Variants in C2CD3 observed in about 807,000 individuals in gnomAD.
C2CD3 encodes the protein C2 domain containing 3 centriole elongation regulator, also known as C2 domain-containing protein 3.
A neutral mutation model predicts 234.0 loss-of-function variants in C2CD3; 148 were observed. The observed-to-expected ratio is 0.63, with a 90% CI of 0.55 to 0.72. C2CD3 has a LOEUF of 0.72. C2CD3 is among the 30% of genes least tolerant of loss of function. The pLI is 0.00. For missense variants in C2CD3, 2,577 were observed against 2,811.5 expected, an observed-to-expected ratio of 0.92 and a Z score of 1.89; for synonymous variants, 1,000 against 1,035.4, an observed-to-expected ratio of 0.97 and a Z score of 0.66.
chr11:74,122,952 T>C, intron 8 of C2CD3, 36 bp downstream of exon 8: 2 of 1,562,038 alleles, frequency 1.3e-6, no homozygotes, highest in East Asian at 2.2e-5. Flanking sequence ...ATACATTTGT[T>C]CTCTAATTCT....
In C2CD3 at chr11:74,033,394, C is replaced by T; in HGVS notation, c.6766G>A (p.Val2256Met). 2.6e-6 allele frequency: 4 copies of T among 1,536,178 alleles called. No individual in the cohort carries two copies. The highest frequency in any genetic ancestry group is 3.5e-6 in the Non-Finnish European group (4 of 1,146,920). ...GTGGACGTCTCTGATCCAGTTGTCA[C>T]CTGCCTCTGCCTGATGTCAGAGGAG... ...IDSSDIRQRQ[V>M]TTGSETSTKQ... The change falls in exon 31 of 33, where the codon GTG (valine) becomes ATG (methionine). Residue 2256 changes from valine (V) to methionine (M), a missense_variant. Coordinates refer to ENST00000334126, the MANE Select transcript of C2CD3 (RefSeq NM_001286577.2).
chr11:74,131,588 CTT>C (rs201739327), intron 7 of C2CD3, among the ~76,000 whole-genome samples: 3 of 145,976 alleles, frequency 2.1e-5, no homozygotes, highest in South Asian at 2.2e-4. Context: ...GTTTTTCTTT[CTT>C]TTTTTTTTTG....
At position 74,154,800 on chromosome 11, in the gene C2CD3, T is replaced by C. The variant is rs376623042; in HGVS notation, c.483+6599A>G. On this transcript the variant is annotated intron_variant, in intron 3 of 32. Transcript: ENST00000334126. ...TTGGGGGTTGCAGTCTGTGAACTCC[T>C]GAAGAAGATAAAAGAATAGCCAAAA... is the stretch of plus-strand genomic sequence containing the variant. Among the ~76,000 whole-genome samples, 13 of 151,998 alleles carry C rather than the reference T, an allele frequency of 8.6e-5. No homozygotes were observed. The East Asian group carries it at 2.3e-3, about 27-fold the overall frequency.
chr11:74,013,008 G>A lies in C2CD3; in HGVS notation c.*377C>T, dbSNP rs1454702786. On this transcript the variant is annotated 3_prime_UTR_variant, in exon 33 of 33. Coordinates refer to ENST00000334126, the MANE Select transcript of C2CD3 (RefSeq NM_001286577.2). ...CATGTCCCTCCTCCCCAACTTTTAA[G>A]GCAAAAATGGTCCTGCATCTTCAGG... 6.4e-6 allele frequency: 1 copy of A among 156,828 alleles called. No individual in the cohort carries two copies. Among genetic ancestry groups the A allele is most frequent in the Non-Finnish European group, 1.4e-5 (1 of 71,316 alleles). The allele number at this position is 156,828 out of a possible 1,614,324, so 9.7% of individuals were successfully genotyped here.
chr11:74,099,151 A>C (rs901902955), intron 15 of C2CD3, among the ~76,000 whole-genome samples: 2 of 152,180 alleles, frequency 1.3e-5, no homozygotes, highest in Admixed American at 1.3e-4. Context: ...TTAAGAAAAA[A>C]AGGAAAACTA....
Position 74,168,687 on chromosome 11 carries a change from GA to G in C2CD3, c.56-75del. On this transcript the variant is annotated intron_variant, in intron 1 of 32. Transcript: ENST00000334126. ...AAAACATATAATATGCTTTTTGAAT[GA>G]AAACAAACAGAACACTTTAGTCTTA... is the stretch of plus-strand genomic sequence containing the variant. 4 of 1,350,246 alleles carry G rather than the reference GA, an allele frequency of 3.0e-6. No individual in the cohort carries two copies. In the South Asian group the frequency reaches 5.4e-5, roughly 18 times the overall value. 83.6% of individuals were successfully genotyped at this position (1,350,246 alleles called of 1,614,324 possible). A position where few individuals can be genotyped will look rare whatever the true frequency, so the allele number is the denominator to read the frequency against.
At chr11:74,163,761 A>T (rs1037154661) in intron 2 of C2CD3, among the ~76,000 whole-genome samples, 1 of 152,240 alleles carries the variant, frequency 6.6e-6, no homozygotes, top group East Asian at 1.9e-4. Context: ...GCAGCATGAG[A>T]ATGGACTAAT....
rs527594045 is a variant in C2CD3, at chr11:74,119,635, C to CT, written c.1366-1254dup. 6.5e-3 allele frequency among the ~76,000 whole-genome samples: 901 copies of CT among 137,612 alleles called. 4 individuals carry two copies. Among genetic ancestry groups the CT allele is most frequent in the African/African-American group, 0.014 (531 of 37,504 alleles). 90.3% of individuals were successfully genotyped at this position (137,612 alleles called of 152,430 possible). A position where few individuals can be genotyped will look rare whatever the true frequency, so the allele number is the denominator to read the frequency against. On this transcript the variant is annotated intron_variant, in intron 8 of 32. Coordinates refer to ENST00000334126, the MANE Select transcript of C2CD3 (RefSeq NM_001286577.2). ...GAATGTCTTCTTGGAAGCAATACAA[C>CT]TTTTTTTTTTTTTTTTTTGAGATGG...
At chr11:74,106,673 C>T (rs1360622208) in intron 12 of C2CD3, among the ~76,000 whole-genome samples, 180 bp from the exon 13 acceptor site, 2 of 152,188 alleles carry the variant, frequency 1.3e-5, no homozygotes, top group Admixed American at 1.3e-4. Flanking sequence ...CTGGCTTTTG[C>T]TACTTCCCTC....
At chr11:74,034,480 G>C (rs1952643385) in intron 30 of C2CD3, 4 of 1,573,994 alleles carry the variant, frequency 2.5e-6, no homozygotes, top group Non-Finnish European at 3.5e-6. Context: ...CAGAGGACCA[G>C]AATCTAATCT....
intron 19 of C2CD3, among the ~76,000 whole-genome samples, chr11:74,091,786 T>C (rs961578190): frequency 2.0e-5 from 3 of 152,166 alleles, no homozygotes; most frequent in Admixed American, 1.3e-4. Flanking sequence ...TGAGGGCTTA[T>C]AAAATGCTTG....
At chr11:74,027,279 G>A (rs767376479) in intron 32 of C2CD3, among the ~76,000 whole-genome samples, 4 of 152,176 alleles carry the variant, frequency 2.6e-5, no homozygotes, top group Non-Finnish European at 5.9e-5. Context: ...CCTAATTTTT[G>A]TAATTTTTAG....
rs2135545396 is a variant in C2CD3 at position 74,140,066 on chromosome 11, A to C, written c.484-238T>G. Among the ~76,000 whole-genome samples, 2 of 144,700 alleles carry C rather than the reference A, an allele frequency of 1.4e-5. 1 individual carries two copies. The highest frequency in any genetic ancestry group is 4.4e-4 in the South Asian group (2 of 4,556). 94.9% of individuals were successfully genotyped at this position (144,700 alleles called of 152,430 possible). A position where few individuals can be genotyped will look rare whatever the true frequency, so the allele number is the denominator to read the frequency against. On this transcript the variant is annotated intron_variant, in intron 3 of 32. Transcript: ENST00000334126. ...CCCATTCCCTAGAGGATTGTAAGGA[A>C]TGTCCCCCATTCCCTACAGGATTGT...
At chr11:74,084,160 G>C (rs989071185) in intron 22 of C2CD3, among the ~76,000 whole-genome samples, 3 of 152,084 alleles carry the variant, frequency 2.0e-5, no homozygotes. Flanking sequence ...GGATGCAGCT[G>C]GAAACCATCA....
At chr11:74,104,425 C>T (rs1459670916) in intron 13 of C2CD3, among the ~76,000 whole-genome samples, 1 of 151,730 alleles carries the variant, frequency 6.6e-6, no homozygotes, top group Non-Finnish European at 1.5e-5. Flanking sequence ...TAAGGAAATA[C>T]ATAAAATATA....
At position 74,074,313 on chromosome 11, in the gene C2CD3, A is replaced by G; in HGVS notation, c.4891T>C (p.Leu1631=). 1 of 1,614,210 alleles carries G rather than the reference A, an allele frequency of 6.2e-7. No individual in the cohort carries two copies. The highest frequency in any genetic ancestry group is 8.5e-7 in the Non-Finnish European group (1 of 1,180,020). The change falls in exon 24 of 33, where the codon TTG becomes CTG. Residue 1631 remains leucine (L), a synonymous_variant. Coordinates refer to ENST00000334126, the MANE Select transcript of C2CD3 (RefSeq NM_001286577.2). ...VRLTQEGPAD[L]DGTFAVSILV... ...ATGCTGACTGCAAACGTTCCATCCA[A>G]ATCAGCAGGGCCCTCCTGCGTCAGG...
intron 2 of C2CD3, among the ~76,000 whole-genome samples, chr11:74,167,654 A>C (rs1390335230): frequency 3.9e-5 from 6 of 152,218 alleles, no homozygotes; most frequent in African/African-American, 1.4e-4. Flanking sequence ...AATTTTATTG[A>C]CTTGAACTGA....
chr11:74,131,726 C>T (rs992191979), intron 7 of C2CD3, among the ~76,000 whole-genome samples: 1 of 152,048 alleles, frequency 6.6e-6, no homozygotes, highest in African/African-American at 2.4e-5. Context: ...GCTGCACCAC[C>T]ACGCCTGGCT....
chr11:74,160,094 C>A (rs1249848500), intron 3 of C2CD3, among the ~76,000 whole-genome samples: 4 of 152,162 alleles, frequency 2.6e-5, no homozygotes, highest in Admixed American at 2.6e-4. Flanking sequence ...TAGGTTTGTA[C>A]CCTAGGAGCA....
Sources: gnomAD v4.1 joint callset for allele counts (sites outside exome capture counted in the v4.1 genomes callset) on GRCh38, gnomAD v4.1.1 for gene constraint, MANE v1.5 for transcripts, NCBI Gene and HGNC (gene_info 2026-07-23, HGNC 2026-07-21) for gene names.